The following CATSPERT variants were observed in gnomAD, a reference collection of about 807,000 sequenced individuals.
CATSPERT encodes the protein cation channel sperm-associated targeting subunit tau.
chr2:201,567,135 C>T, the CATSPERT span, among the ~76,000 whole-genome samples: 2 of 152,120 alleles, frequency 1.3e-5, no homozygotes, highest in African/African-American at 4.8e-5. Flanking sequence ...CACGATTTTC[C>T]CCTTCTCCAG....
the CATSPERT span, chr2:201,547,629 T>C: frequency 7.3e-7 from 1 of 1,363,930 alleles, no homozygotes; most frequent in East Asian, 2.4e-5. Context: ...AGAAATAAGT[T>C]ATGAATGAAA....
the CATSPERT span, among the ~76,000 whole-genome samples, chr2:201,599,681 A>G: frequency 6.6e-6 from 1 of 152,102 alleles, no homozygotes; most frequent in Non-Finnish European, 1.5e-5. Context: ...CAAACTTTCT[A>G]TTAGAGTTCC....
the CATSPERT span, chr2:201,555,967 C>T: frequency 2.0e-5 from 3 of 152,184 alleles, no homozygotes; most frequent in African/African-American, 7.2e-5. Flanking sequence ...CCATCACTCA[C>T]ATTAGAAAAT....
the CATSPERT span, among the ~76,000 whole-genome samples, chr2:201,546,344 T>C: frequency 1.3e-5 from 2 of 152,154 alleles, no homozygotes; most frequent in East Asian, 1.9e-4. Flanking sequence ...TCAACATGTA[T>C]AGGTTAGAGT....
the CATSPERT span, among the ~76,000 whole-genome samples, chr2:201,545,839 T>A: frequency 6.6e-6 from 1 of 151,852 alleles, no homozygotes; most frequent in South Asian, 2.1e-4. Flanking sequence ...TGGCTAGGAG[T>A]TGATGTTCCA....
the CATSPERT span, chr2:201,601,886 T>C: frequency 6.4e-7 from 1 of 1,573,390 alleles, no homozygotes; most frequent in South Asian, 1.2e-5. Flanking sequence ...GTAAACTGAC[T>C]GAAAATAGAA....
the CATSPERT span, among the ~76,000 whole-genome samples, chr2:201,615,928 C>A: frequency 1.3e-5 from 2 of 152,282 alleles, no homozygotes; most frequent in South Asian, 2.1e-4. Flanking sequence ...ACTATAAACA[C>A]CTCTATGCAA....
At chr2:201,548,460 A>G in the CATSPERT span, among the ~76,000 whole-genome samples, 1 of 152,066 alleles carries the variant, frequency 6.6e-6, no homozygotes, top group South Asian at 2.1e-4. Context: ...ATAACATCAC[A>G]CTGGGGACTA....
the CATSPERT span, among the ~76,000 whole-genome samples, chr2:201,536,561 T>G: frequency 2.0e-5 from 3 of 151,964 alleles, no homozygotes; most frequent in African/African-American, 7.2e-5. Flanking sequence ...ATATCCAAAT[T>G]TATAAATCAG....
chr2:201,616,095 C>G, the CATSPERT span, among the ~76,000 whole-genome samples: 1 of 152,280 alleles, frequency 6.6e-6, no homozygotes, highest in African/African-American at 2.4e-5. Flanking sequence ...ACTCCAGGAC[C>G]AGACGGATTC....
the CATSPERT span, among the ~76,000 whole-genome samples, chr2:201,570,821 T>C: frequency 3.9e-5 from 6 of 152,184 alleles, no homozygotes; most frequent in Non-Finnish European, 2.9e-5. Flanking sequence ...ATCAAGAGAA[T>C]GTGTCCCCTC....
the CATSPERT span, chr2:201,536,257 T>C: frequency 1.2e-6 from 2 of 1,613,222 alleles, no homozygotes. Flanking sequence ...GCAGTTGAAT[T>C]ATCTTGGTCC....
At chr2:201,489,749 A>G in the CATSPERT span, among the ~76,000 whole-genome samples, 1 of 152,200 alleles carries the variant, frequency 6.6e-6, no homozygotes. Context: ...TGTTATGCAT[A>G]CTATAGGGAA....
the CATSPERT span, chr2:201,535,954 T>A: frequency 6.3e-7 from 1 of 1,591,930 alleles, no homozygotes. Flanking sequence ...TTTTGCCAGC[T>A]AATTTCTGTT....
the CATSPERT span, among the ~76,000 whole-genome samples, chr2:201,506,174 G>A: frequency 6.6e-6 from 1 of 152,170 alleles, no homozygotes; most frequent in African/African-American, 2.4e-5. Context: ...GGCTGAGGCA[G>A]GAGAATGGCG....
chr2:201,594,403 C>T, the CATSPERT span, among the ~76,000 whole-genome samples: 4 of 152,144 alleles, frequency 2.6e-5, no homozygotes, highest in Non-Finnish European at 4.4e-5. Flanking sequence ...TCTCTGGCTG[C>T]CCTTAACATT....
At chr2:201,609,642 A>C in the CATSPERT span, among the ~76,000 whole-genome samples, 1,029 of 152,326 alleles carry the variant, frequency 6.8e-3, 14 homozygotes, top group African/African-American at 0.024. Flanking sequence ...CTTGAAACTC[A>C]TACAAATTGA....
the CATSPERT span, chr2:201,537,343 C>A: frequency 2.8e-6 from 3 of 1,053,648 alleles, no homozygotes; most frequent in African/African-American, 3.2e-5. Context: ...TTCTTGGATG[C>A]CTTTCTCTAT....
the CATSPERT span, among the ~76,000 whole-genome samples, chr2:201,527,884 C>G: frequency 6.6e-6 from 1 of 151,846 alleles, no homozygotes; most frequent in South Asian, 2.1e-4. Flanking sequence ...AAAACAATTG[C>G]AACAAAAATA....
Sources: gnomAD v4.1 joint callset for allele counts (sites outside exome capture counted in the v4.1 genomes callset) on GRCh38, gnomAD v4.1.1 for gene constraint, MANE v1.5 for transcripts, NCBI Gene and HGNC (gene_info 2026-07-23, HGNC 2026-07-21) for gene names.